PKN2: variants seen among roughly 807,000 people sequenced by gnomAD.
PKN2 encodes serine/threonine-protein kinase N2.
In PKN2, 38 loss-of-function variants were observed where a neutral mutation model predicts 119.1. The ratio of observed to expected loss-of-function variants is 0.32; its 90% CI spans 0.25 to 0.42. The LOEUF (loss-of-function observed/expected upper bound fraction) is 0.42. PKN2 is among the 10% of genes least tolerant of loss of function. The pLI, the probability that PKN2 is intolerant of heterozygous loss-of-function variation, is 1.00. For synonymous variants in PKN2, 390 were observed against 384.9 expected, an observed-to-expected ratio of 1.01 and a Z score of -0.15; for missense variants, 850 against 1,165.1, an observed-to-expected ratio of 0.73 and a Z score of 3.94.
chr1:88,779,608 T>G (rs1670249944), intron 6 of PKN2, among the ~76,000 whole-genome samples: 1 of 152,160 alleles, frequency 6.6e-6, no homozygotes, highest in Non-Finnish European at 1.5e-5. Flanking sequence ...TGACATATTT[T>G]TGTTACACAG....
intron 3 of PKN2, among the ~76,000 whole-genome samples, chr1:88,763,772 T>C (rs754327647): frequency 3.3e-4 from 50 of 152,108 alleles, no homozygotes; most frequent in Non-Finnish European, 5.1e-4. Context: ...AAGATAAGAG[T>C]CATACTTTTG....
At chr1:88,708,688 C>T (rs1667100804) in intron 1 of PKN2, among the ~76,000 whole-genome samples, 2 of 147,988 alleles carry the variant, frequency 1.4e-5, no homozygotes, top group African/African-American at 2.5e-5. Context: ...TCTTGAACTC[C>T]TGATCTCAGG....
rs58596932 is a variant in PKN2 at position 88,802,723 on chromosome 1, A to G, written c.1282-1668A>G. ...ACCAGACTGGCTGGAATAAATAGCA[A>G]ATGAGGTGATTGGACCTTCTCTTAT... On this transcript the variant is annotated intron_variant, in intron 8 of 21. Transcript: ENST00000370521. 9.8e-4 allele frequency among the ~76,000 whole-genome samples: 150 copies of G among 152,290 alleles called. 1 individual carries two copies. The highest frequency in any genetic ancestry group is 5.6e-4 in the Non-Finnish European group (38 of 68,034).
intron 6 of PKN2, 139 bp downstream of exon 6, chr1:88,772,018 C>T: frequency 3.2e-6 from 2 of 617,936 alleles, no homozygotes; most frequent in Non-Finnish European, 5.6e-6. Flanking sequence ...GTTGTATTAA[C>T]CATTTTAATT....
At chr1:88,817,028 G>T (rs1373624886) in intron 16 of PKN2, 1 of 152,114 alleles carries the variant, frequency 6.6e-6, no homozygotes, top group Non-Finnish European at 1.5e-5. Flanking sequence ...AAAAAGAGGG[G>T]CTCCTCTCTA....
intron 1 of PKN2, among the ~76,000 whole-genome samples, chr1:88,698,954 G>A (rs1666651892): frequency 6.6e-6 from 1 of 152,086 alleles, no homozygotes. Flanking sequence ...TATTAACTCT[G>A]CACAAAAATG....
chr1:88,723,110 G>A (rs1211166221), intron 1 of PKN2, among the ~76,000 whole-genome samples: 1 of 150,834 alleles, frequency 6.6e-6, no homozygotes, highest in Non-Finnish European at 1.5e-5. Flanking sequence ...TTTGAAGCCA[G>A]GTATCTTTTT....
rs1669104923 is a variant in PKN2, at chr1:88,754,038, A to T, written c.350-6184A>T. On this transcript the variant is annotated intron_variant, in intron 2 of 21. Coordinates refer to ENST00000370521, the MANE Select transcript of PKN2 (RefSeq NM_006256.4). Reference sequence around the variant, plus strand: ...TGTGAAGACTGTCTTTGATGTTCTGAAGTTTTACCATGATGTGTCCAAGTG... The same window carrying T: ...TGTGAAGACTGTCTTTGATGTTCTGTAGTTTTACCATGATGTGTCCAAGTG... Among the ~76,000 whole-genome samples, 4 of 152,220 alleles carry T rather than the reference A, an allele frequency of 2.6e-5. No individual in the cohort carries two copies. In the South Asian group the frequency reaches 8.3e-4, roughly 32 times the overall value.
chr1:88,806,108 A>C lies in PKN2; in HGVS notation c.1803+91A>C, dbSNP rs919041884. 2.7e-6 allele frequency: 3 copies of C among 1,101,500 alleles called. No individual in the cohort carries two copies. The African/African-American group carries it at 4.7e-5, about 17-fold the overall frequency. 68.2% of individuals were successfully genotyped at this position (1,101,500 alleles called of 1,614,324 possible). A position where few individuals can be genotyped will look rare whatever the true frequency, so the allele number is the denominator to read the frequency against. On this transcript the variant is annotated intron_variant, in intron 12 of 21. Transcript: ENST00000370521. ...TGAATAAGGCGTGTCTTTCCATTTA[A>C]AATTGCCACTGAACTGTGAATTTAT... is the stretch of plus-strand genomic sequence containing the variant.
intron 12 of PKN2, among the ~76,000 whole-genome samples, 176 bp from the exon 13 acceptor site, chr1:88,807,137 G>A (rs1340456977): frequency 6.6e-6 from 1 of 151,984 alleles, no homozygotes; most frequent in Middle Eastern, 3.2e-3. Flanking sequence ...GCAACATAGT[G>A]AGACCCACCT....
chr1:88,780,035 ATGT>A (rs1670271553), intron 6 of PKN2, among the ~76,000 whole-genome samples: 1 of 152,068 alleles, frequency 6.6e-6, no homozygotes, highest in African/African-American at 2.4e-5. Context: ...CCTTTCAGTG[ATGT>A]TGTGTATTTA....
rs1305437748 is a variant in PKN2, at chr1:88,703,349, G to T, written c.48+18721G>T. Reference sequence around the variant, plus strand: ...GATGTAAAGCACGATCTTATTAATAGATTTTAATTACTATTAAACAACTTC... The same window carrying T: ...GATGTAAAGCACGATCTTATTAATATATTTTAATTACTATTAAACAACTTC... On this transcript the variant is annotated intron_variant, in intron 1 of 21. Coordinates refer to ENST00000370521, the MANE Select transcript of PKN2 (RefSeq NM_006256.4). Among the ~76,000 whole-genome samples the T allele has an allele frequency of 2.6e-5, 4 of 152,160 alleles. No homozygotes were observed. The East Asian group carries it at 7.7e-4, about 29-fold the overall frequency.
At position 88,833,278 on chromosome 1, in the gene PKN2, G is replaced by A. The variant is rs2100940870; in HGVS notation, c.2785G>A (p.Val929Ile). 1 of 1,613,330 alleles carries A rather than the reference G, an allele frequency of 6.2e-7. No homozygotes were observed. Among genetic ancestry groups the A allele is most frequent in the Non-Finnish European group, 8.5e-7 (1 of 1,179,468 alleles). Residue 929 changes from valine (V) to isoleucine (I), a missense_variant, in exon 22 of 22, where the codon GTA (valine) becomes ATA (isoleucine). Coordinates refer to ENST00000370521, the MANE Select transcript of PKN2 (RefSeq NM_006256.4). ...IDWSALMDKKVKPPFIPTIRG... is the reference protein window; with the variant it reads ...IDWSALMDKKIKPPFIPTIRG... ...TTGGAGCGCTCTGATGGACAAAAAA[G>A]TAAAGCCACCATTTATACCTACCAT...
intron 19 of PKN2, among the ~76,000 whole-genome samples, chr1:88,829,901 T>C (rs1672664300): frequency 6.6e-6 from 1 of 152,170 alleles, no homozygotes; most frequent in Admixed American, 6.5e-5. Context: ...CCCAAACAAA[T>C]GGTTTTAGTT....
At position 88,833,228 on chromosome 1, in the gene PKN2, T is replaced by C. The variant is rs1394363330; in HGVS notation, c.2752-17T>C. On this transcript the variant is annotated splice_polypyrimidine_tract_variant and intron_variant, in intron 21 of 21. Transcript: ENST00000370521. ...ATTTAACAAACTAAACTAGTCATTT[T>C]TTATTTTATGATCCAGCTAATTGAT... 1 of 1,611,956 alleles carries C rather than the reference T, an allele frequency of 6.2e-7. No individual in the cohort carries two copies. Among genetic ancestry groups the C allele is most frequent in the Admixed American group, 1.7e-5 (1 of 59,682 alleles).
chr1:88,708,085 A>G (rs957138629), intron 1 of PKN2, among the ~76,000 whole-genome samples: 4 of 152,168 alleles, frequency 2.6e-5, no homozygotes, highest in African/African-American at 9.7e-5. Context: ...CAGATTGTTA[A>G]CCTAGAGAAA....
intron 7 of PKN2, among the ~76,000 whole-genome samples, chr1:88,785,534 A>G (rs1221625863): frequency 6.6e-6 from 1 of 152,118 alleles, no homozygotes; most frequent in African/African-American, 2.4e-5. Context: ...GTCCACTGAG[A>G]TGGGGGATGG....
rs1669245907 is a variant in PKN2, at chr1:88,757,317, C to G, written c.350-2905C>G. Among the ~76,000 whole-genome samples the G allele has an allele frequency of 5.3e-5, 8 of 152,208 alleles. No homozygotes were observed. The South Asian group carries it at 1.5e-3, about 28-fold the overall frequency. ...TATTTTACATCCTAGCCTAGTATCT[C>G]TATTATTTATTTATTTATCTATTTA... On this transcript the variant is annotated intron_variant, in intron 2 of 21. Coordinates refer to ENST00000370521, the MANE Select transcript of PKN2 (RefSeq NM_006256.4).
chr1:88,753,016 G>GT (rs757291202), intron 2 of PKN2, among the ~76,000 whole-genome samples: 30 of 151,906 alleles, frequency 2.0e-4, no homozygotes, highest in Admixed American at 3.3e-4. Context: ...AAGTTCGATT[G>GT]TTTTGGAAAT....
Sources: allele counts gnomAD v4.1 joint callset (sites outside exome capture counted in the v4.1 genomes callset), GRCh38; gene constraint gnomAD v4.1.1; transcripts MANE v1.5; gene names NCBI Gene and HGNC (gene_info 2026-07-23, HGNC 2026-07-21).